The following TAB2 variants were observed in gnomAD, a reference collection of about 807,000 sequenced individuals.
TAB2 encodes the protein TGF-beta-activated kinase 1 and MAP3K7-binding protein 2.
In TAB2, 3 loss-of-function variants were observed where a neutral mutation model predicts 65.0. That is an observed-to-expected ratio of 0.05 (90% CI 0.02 to 0.12). TAB2 has a LOEUF of 0.12. Ranked by LOEUF, TAB2 falls within the 10% of genes least tolerant of loss-of-function variation. The pLI is 1.00. For missense variants in TAB2, 623 were observed against 840.3 expected, an observed-to-expected ratio of 0.74 and a Z score of 3.20; for synonymous variants, 298 against 285.1, an observed-to-expected ratio of 1.05 and a Z score of -0.46.
At chr6:149,322,450 T>C (rs1248326554) in intron 1 of TAB2, among the ~76,000 whole-genome samples, 2 of 152,274 alleles carry the variant, frequency 1.3e-5, no homozygotes, top group African/African-American at 4.8e-5. Flanking sequence ...ACTTCAAAGT[T>C]ACAGAGTTTC....
At chr6:149,407,964 C>G (rs1194708743) in intron 6 of TAB2, among the ~76,000 whole-genome samples, 2 of 152,090 alleles carry the variant, frequency 1.3e-5, no homozygotes, top group Non-Finnish European at 2.9e-5. Flanking sequence ...TATGGTCACT[C>G]TTCCTAAAAT....
At chr6:149,375,418 T>A (rs1259537661) in intron 2 of TAB2, among the ~76,000 whole-genome samples, 3 of 152,178 alleles carry the variant, frequency 2.0e-5, no homozygotes, top group Non-Finnish European at 4.4e-5. Flanking sequence ...GCACATAAAT[T>A]ATGGCATAAC....
chr6:149,286,636 A>G (rs959417148), intron 1 of TAB2, among the ~76,000 whole-genome samples: 2 of 152,194 alleles, frequency 1.3e-5, no homozygotes, highest in African/African-American at 4.8e-5. Context: ...AAGCACAAAA[A>G]CGTTCATCAC....
intron 1 of TAB2, among the ~76,000 whole-genome samples, chr6:149,320,681 TG>T (rs1038535802): frequency 1.5e-4 from 23 of 152,262 alleles, no homozygotes; most frequent in Admixed American, 1.2e-3. Context: ...CATTTTTTTT[TG>T]AGTTATATAA....
chr6:149,360,248 A>T (rs1433276343), intron 1 of TAB2, among the ~76,000 whole-genome samples: 1 of 152,164 alleles, frequency 6.6e-6, no homozygotes, highest in East Asian at 1.9e-4. Context: ...TGCTATAAAG[A>T]AGTACCCAAG....
intron 1 of TAB2, chr6:149,230,074 T>G (rs1455478170): frequency 1.3e-5 from 2 of 152,210 alleles, no homozygotes; most frequent in African/African-American, 4.8e-5. Flanking sequence ...CTGAATGGAC[T>G]TTGTGTCGTG....
chr6:149,296,253 AC>A (rs1778874724), intron 1 of TAB2, among the ~76,000 whole-genome samples: 1 of 151,634 alleles, frequency 6.6e-6, no homozygotes, highest in African/African-American at 2.4e-5. Flanking sequence ...CTTGTGGTTG[AC>A]CCCCAGGTTG....
chr6:149,373,064 T>TTC (rs1046682576), intron 2 of TAB2, among the ~76,000 whole-genome samples: 1 of 152,216 alleles, frequency 6.6e-6, no homozygotes, highest in African/African-American at 2.4e-5. Context: ...TCTCTTAAGT[T>TTC]TATCTGTTGC....
chr6:149,349,654 A>C (rs923750211), intron 1 of TAB2, among the ~76,000 whole-genome samples: 3 of 152,188 alleles, frequency 2.0e-5, no homozygotes, highest in African/African-American at 7.2e-5. Context: ...TTAATGTTCA[A>C]ATTGTTCTCT....
chr6:149,335,683 A>G (rs553382061), intron 1 of TAB2, among the ~76,000 whole-genome samples: 1 of 152,104 alleles, frequency 6.6e-6, no homozygotes, highest in South Asian at 2.1e-4. Context: ...CTAGTTTTTT[A>G]TTTTTACATC....
At chr6:149,326,657 C>T (rs563757084) in intron 1 of TAB2, among the ~76,000 whole-genome samples, 15 of 152,052 alleles carry the variant, frequency 9.9e-5, no homozygotes, top group African/African-American at 3.4e-4. Flanking sequence ...AAGCAATTCT[C>T]CTGCCTCAGC....
At chr6:149,359,327 T>G (rs1366265161) in intron 1 of TAB2, among the ~76,000 whole-genome samples, 1 of 152,174 alleles carries the variant, frequency 6.6e-6, no homozygotes, top group Non-Finnish European at 1.5e-5. Context: ...TCAGACCAAT[T>G]TTTTTGTTAA....
At chr6:149,254,803 G>A (rs994283957) in intron 1 of TAB2, among the ~76,000 whole-genome samples, 2 of 152,082 alleles carry the variant, frequency 1.3e-5, no homozygotes, top group African/African-American at 4.8e-5. Flanking sequence ...AGGTCTACTC[G>A]GCACTTACTG....
In TAB2 at chr6:149,278,651, T is replaced by A. The variant is rs150119001; in HGVS notation, c.-121+59875T>A. Reference sequence around the variant, plus strand: ...AAGGAATCCGTAAACCAAAAGATGATGCGTTTGGGAAATAACAACGCATAT... The same window carrying A: ...AAGGAATCCGTAAACCAAAAGATGAAGCGTTTGGGAAATAACAACGCATAT... On this transcript the variant is annotated intron_variant, in intron 1 of 1. Coordinates refer to the TAB2 transcript ENST00000606202. Among the ~76,000 whole-genome samples, 215 of 152,248 alleles carry A rather than the reference T, an allele frequency of 1.4e-3. 1 individual carries two copies. Among genetic ancestry groups the A allele is most frequent in the Non-Finnish European group, 2.5e-3 (169 of 68,012 alleles).
At chr6:149,260,289 A>G (rs1376726812) in intron 1 of TAB2, among the ~76,000 whole-genome samples, 1 of 152,180 alleles carries the variant, frequency 6.6e-6, no homozygotes, top group African/African-American at 2.4e-5. Flanking sequence ...ACATCCAAGA[A>G]GTGGGTTTGG....
upstream of TAB2, among the ~76,000 whole-genome samples, chr6:149,316,367 T>C (rs150695927): frequency 5.0e-4 from 76 of 152,340 alleles, no homozygotes; most frequent in Admixed American, 1.4e-3. Flanking sequence ...CTTTTAACTG[T>C]GAGGAAGGCT....
chr6:149,313,673 T>C (rs1415155576), upstream of TAB2, among the ~76,000 whole-genome samples: 1 of 152,224 alleles, frequency 6.6e-6, no homozygotes, highest in Admixed American at 6.5e-5. Flanking sequence ...TTCTCTTCTC[T>C]TGTTCCCTAG....
rs1779096399 is a variant in TAB2, at chr6:149,307,828, G to T, written c.-120-70190G>T. On this transcript the variant is annotated intron_variant, in intron 1 of 1. Coordinates refer to the TAB2 transcript ENST00000606202. ...AAATTCAGAAAATACCACCAAAAAG[G>T]TACAAAGAATAAAACAAAGATCTCT... Among the ~76,000 whole-genome samples the T allele has an allele frequency of 2.6e-5, 4 of 152,006 alleles. 1 individual carries two copies. The South Asian group carries it at 8.3e-4, about 32-fold the overall frequency.
intron 1 of TAB2, among the ~76,000 whole-genome samples, chr6:149,281,097 A>G (rs1395128424): frequency 7.0e-6 from 1 of 143,604 alleles, no homozygotes; most frequent in Admixed American, 6.7e-5. Context: ...GGGTAAATAT[A>G]TAGGATTTTT....
Sources: allele counts gnomAD v4.1 joint callset (sites outside exome capture counted in the v4.1 genomes callset), GRCh38; gene constraint gnomAD v4.1.1; transcripts MANE v1.5; gene names NCBI Gene and HGNC (gene_info 2026-07-23, HGNC 2026-07-21).